MPDZ: variants seen among roughly 807,000 people sequenced by gnomAD.
MPDZ encodes the protein multiple PDZ domain crumbs cell polarity complex component.
Under a neutral mutation model 239.1 loss-of-function variants are expected in MPDZ, and 234 were observed. That is an observed-to-expected ratio of 0.98 (90% CI 0.88 to 1.09). The LOEUF is 1.09. Ranked by LOEUF, MPDZ falls within the 50% of genes least tolerant of loss-of-function variation. MPDZ has a pLI of 0.00. For synonymous variants in MPDZ, 1,048 were observed against 881.3 expected (o/e 1.19, Z -3.35); for missense variants, 3,175 against 2,510.0 (o/e 1.26, Z -5.66).
At chr9:13,174,531 T>C (rs1297731457) in intron 21 of MPDZ, among the ~76,000 whole-genome samples, 2 of 152,164 alleles carry the variant, frequency 1.3e-5, no homozygotes, top group East Asian at 1.9e-4. Context: ...GTATAAAAGA[T>C]ATTGAGATGT....
chr9:13,170,045 T>C (rs1951590206), intron 21 of MPDZ, among the ~76,000 whole-genome samples: 1 of 152,186 alleles, frequency 6.6e-6, no homozygotes, highest in South Asian at 2.1e-4. Flanking sequence ...TTTGAAACTT[T>C]GCAAAAATAA....
intron 32 of MPDZ, among the ~76,000 whole-genome samples, chr9:13,127,297 C>G (rs1352835726): frequency 2.0e-5 from 3 of 152,176 alleles, no homozygotes; most frequent in Admixed American, 6.5e-5. Flanking sequence ...CTCCAGACAA[C>G]AGCATTTCAA....
At chr9:13,254,016 T>C (rs780339661) in intron 1 of MPDZ, among the ~76,000 whole-genome samples, 1 of 152,228 alleles carries the variant, frequency 6.6e-6, no homozygotes, top group African/African-American at 2.4e-5. Context: ...ACAAGCCATC[T>C]AGCTCCAGAG....
chr9:13,116,763 C>G (rs552041408), intron 39 of MPDZ, among the ~76,000 whole-genome samples: 1 of 151,730 alleles, frequency 6.6e-6, no homozygotes, highest in Admixed American at 6.6e-5. Flanking sequence ...GATTTACGCC[C>G]AGTAAAAAGA....
intron 1 of MPDZ, among the ~76,000 whole-genome samples, chr9:13,262,429 C>T (rs191214056): frequency 4.0e-5 from 6 of 151,578 alleles, no homozygotes; most frequent in African/African-American, 7.3e-5. Flanking sequence ...CAGTCTGGGC[C>T]GACAGAGAAA....
chr9:13,223,197 G>A (rs752712710), intron 5 of MPDZ, among the ~76,000 whole-genome samples: 74 of 151,764 alleles, frequency 4.9e-4, no homozygotes, highest in Non-Finnish European at 1.8e-4. Context: ...GGATACTGAG[G>A]GGCAACTATA....
intron 4 of MPDZ, 99 bp from the exon 5 acceptor site, chr9:13,223,809 A>C: frequency 3.0e-6 from 4 of 1,317,020 alleles, no homozygotes. Flanking sequence ...AGGTGGGAGG[A>C]TCACTTGAAG....
intron 38 of MPDZ, chr9:13,120,499 T>G (rs2131558769): frequency 6.6e-6 from 1 of 152,298 alleles, no homozygotes; most frequent in South Asian, 2.1e-4. Flanking sequence ...CCCCACATCC[T>G]ATAGTAGCCA....
intron 23 of MPDZ, among the ~76,000 whole-genome samples, chr9:13,161,714 T>C (rs1249178150): frequency 6.6e-6 from 1 of 151,972 alleles, no homozygotes; most frequent in Non-Finnish European, 1.5e-5. Flanking sequence ...CAACTGAGAG[T>C]GTAAAATGGT....
intron 24 of MPDZ, among the ~76,000 whole-genome samples, chr9:13,154,804 G>A (rs10511577): frequency 0.45 from 68,636 of 151,950 alleles, 18,349 homozygotes; most frequent in African/African-American, 0.75. Context: ...CTTGTTTATT[G>A]AGAAAGAGTA....
chr9:13,221,451 C>T lies in MPDZ; in HGVS notation c.797G>A (p.Gly266Asp). Residue 266 changes from glycine to aspartate, a missense_variant, in exon 7 of 47, where the codon GGT (glycine) becomes GAT (aspartate). Gly to Asp is a moderately conservative substitution (Grantham distance 94). Transcript: ENST00000319217. ...TCCTCCTATGATGCCAAATCCCAAACCAGATCCATCATTCACCAATTCAAT... is the reference window on the plus strand; with the variant it reads ...TCCTCCTATGATGCCAAATCCCAAATCAGATCCATCATTCACCAATTCAAT... The part of the protein sequence containing the change: ...ETIELVNDGS[G>D]LGFGIIGGKA... 6.2e-7 allele frequency: 1 copy of T among 1,611,424 alleles called. No homozygotes were observed. Among genetic ancestry groups the T allele is most frequent in the South Asian group, 1.1e-5 (1 of 90,964 alleles).
chr9:13,200,815 T>C (rs1956292850), intron 12 of MPDZ, among the ~76,000 whole-genome samples: 2 of 152,088 alleles, frequency 1.3e-5, no homozygotes, highest in Non-Finnish European at 2.9e-5. Flanking sequence ...TATAAAGACT[T>C]GTTTTGTGAC....
chr9:13,230,353 A>G (rs1962009894), intron 3 of MPDZ, among the ~76,000 whole-genome samples: 1 of 152,188 alleles, frequency 6.6e-6, no homozygotes, highest in African/African-American at 2.4e-5. Context: ...TCCATACACA[A>G]TCGCTCACAG....
At chr9:13,269,502 T>C (rs986806953) in intron 1 of MPDZ, among the ~76,000 whole-genome samples, 7 of 152,140 alleles carry the variant, frequency 4.6e-5, no homozygotes, top group African/African-American at 1.2e-4. Flanking sequence ...ATAGTGTACA[T>C]ATAGAGAGGA....
rs78168151 is a variant in MPDZ, at chr9:13,217,460, G to A, written c.1087-166C>T. Reference sequence around the variant, plus strand: ...ACGATTCCTTTAATCCTGAAAACAGGGATAGGCATCATCATATTTTTGCTC... The same window carrying A: ...ACGATTCCTTTAATCCTGAAAACAGAGATAGGCATCATCATATTTTTGCTC... On this transcript the variant is annotated intron_variant, in intron 8 of 46. Transcript: ENST00000319217. Among the ~76,000 whole-genome samples the A allele has an allele frequency of 5.9e-3, 891 of 151,894 alleles. 12 individuals carry two copies. The highest frequency in any genetic ancestry group is 0.021 in the African/African-American group (853 of 41,486).
intron 24 of MPDZ, among the ~76,000 whole-genome samples, chr9:13,152,586 T>C (rs1382403716): frequency 6.6e-6 from 1 of 152,028 alleles, no homozygotes; most frequent in East Asian, 1.9e-4. Flanking sequence ...ATTAAACCTC[T>C]TTCTTTTGTA....
intron 1 of MPDZ, among the ~76,000 whole-genome samples, chr9:13,275,705 G>T (rs538786951): frequency 6.6e-6 from 1 of 152,164 alleles, no homozygotes; most frequent in African/African-American, 2.4e-5. Flanking sequence ...TGGGTTATTG[G>T]AAAGTGGAAA....
At chr9:13,273,282 A>G (rs1817264021) in intron 1 of MPDZ, among the ~76,000 whole-genome samples, 1 of 152,224 alleles carries the variant, frequency 6.6e-6, no homozygotes, top group Admixed American at 6.5e-5. Flanking sequence ...GACATATCTT[A>G]AATATATCGG....
intron 3 of MPDZ, among the ~76,000 whole-genome samples, chr9:13,239,540 A>G (rs1461348312): frequency 6.6e-6 from 1 of 152,144 alleles, no homozygotes; most frequent in African/African-American, 2.4e-5. Flanking sequence ...GTCATTGCTA[A>G]GAGAAAAAGT....
Sources: allele counts gnomAD v4.1 joint callset (sites outside exome capture counted in the v4.1 genomes callset), GRCh38; gene constraint gnomAD v4.1.1; transcripts MANE v1.5; gene names NCBI Gene and HGNC (gene_info 2026-07-23, HGNC 2026-07-21).